The following PCNX2 variants were observed in gnomAD, a reference collection of about 807,000 sequenced individuals.
The protein encoded by PCNX2 is pecanex 2, also known as pecanex-like protein 2.
In PCNX2, 168 loss-of-function variants were observed where a neutral mutation model predicts 223.8. The ratio of observed to expected loss-of-function variants is 0.75; its 90% CI spans 0.66 to 0.85. The LOEUF is 0.85. PCNX2 is among the 40% of genes least tolerant of loss of function. The pLI, the probability that PCNX2 is intolerant of heterozygous loss-of-function variation, is 0.00. For missense variants in PCNX2, 2,507 were observed against 2,675.5 expected, an observed-to-expected ratio of 0.94 and a Z score of 1.39; for synonymous variants, 1,006 against 1,052.6, an observed-to-expected ratio of 0.96 and a Z score of 0.86.
intron 12 of PCNX2, among the ~76,000 whole-genome samples, 158 bp from the exon 13 acceptor site, chr1:233,208,847 A>AAAAAAAAAAAAAAAAAAAAAAAAAAAAAC: frequency 6.7e-6 from 1 of 150,174 alleles, no homozygotes; most frequent in Non-Finnish European, 1.5e-5. Flanking sequence ...AAAAAAAAAA[A>AAAAAAAAAAAAAAAAAAAAAAAAAAAAAC]AAAACAGGAA....
At chr1:233,313,777 G>T in the PCNX2 span, among the ~76,000 whole-genome samples, 1 of 152,118 alleles carries the variant, frequency 6.6e-6, no homozygotes, top group Non-Finnish European at 1.5e-5. Flanking sequence ...GTAATTAAAT[G>T]ACCCAAACAT....
At chr1:233,248,911 T>C (rs1659287891) in intron 8 of PCNX2, among the ~76,000 whole-genome samples, 1 of 152,122 alleles carries the variant, frequency 6.6e-6, no homozygotes, top group Non-Finnish European at 1.5e-5. Flanking sequence ...GGCAAACCTA[T>C]GTCCAGGCAG....
chr1:233,261,362 C>G, intron 3 of PCNX2, 41 bp from the exon 4 acceptor site: 1 of 1,593,862 alleles, frequency 6.3e-7, no homozygotes. Context: ...GATGACTCAG[C>G]TGACCGTCCA....
At chr1:233,211,304 C>A (rs539202125) in intron 12 of PCNX2, among the ~76,000 whole-genome samples, 8 of 151,970 alleles carry the variant, frequency 5.3e-5, no homozygotes, top group African/African-American at 1.9e-4. Flanking sequence ...GCTGAGTTGA[C>A]AAATGTTCCT....
intron 22 of PCNX2, among the ~76,000 whole-genome samples, chr1:233,093,984 A>G (rs1361840533): frequency 1.3e-5 from 2 of 152,210 alleles, no homozygotes; most frequent in East Asian, 3.8e-4. Flanking sequence ...AGTGCCAAAT[A>G]CCATGTGCTC....
intron 25 of PCNX2, among the ~76,000 whole-genome samples, chr1:233,053,607 A>G (rs1466668264): frequency 6.6e-6 from 1 of 152,210 alleles, no homozygotes; most frequent in East Asian, 1.9e-4. Context: ...AGATGTTCAG[A>G]AAACATGCAA....
At chr1:233,184,569 T>C (rs1679985352) in intron 15 of PCNX2, among the ~76,000 whole-genome samples, 1 of 152,204 alleles carries the variant, frequency 6.6e-6, no homozygotes, top group Non-Finnish European at 1.5e-5. Flanking sequence ...AAATCTCCTC[T>C]CATTTTCTCT....
intron 10 of PCNX2, among the ~76,000 whole-genome samples, chr1:233,225,023 G>T (rs1031542376): frequency 1.4e-5 from 2 of 145,960 alleles, no homozygotes; most frequent in African/African-American, 2.5e-5. Flanking sequence ...CCTAGATGAC[G>T]AGTTGATAGG....
intron 4 of PCNX2, among the ~76,000 whole-genome samples, chr1:233,260,368 A>G (rs1659982303): frequency 6.6e-6 from 1 of 152,204 alleles, no homozygotes; most frequent in African/African-American, 2.4e-5. Context: ...AGTATGTAAG[A>G]TTATTATAGC....
At position 232,998,441 on chromosome 1, in the gene PCNX2, G is replaced by A; in HGVS notation, c.5604-3C>T. On this transcript the variant is annotated splice_region_variant and splice_polypyrimidine_tract_variant and intron_variant, in intron 31 of 33. Transcript: ENST00000258229. ...GGGCATTGCAATCCTTCCGCATCCT[G>A]TGGGAGGGAGAAGTCCTTTGAGGAT... 1 of 1,610,568 alleles carries A rather than the reference G, an allele frequency of 6.2e-7. No individual in the cohort carries two copies. Among genetic ancestry groups the A allele is most frequent in the Non-Finnish European group, 8.5e-7 (1 of 1,178,990 alleles).
chr1:233,273,907 G>A (rs1485744741), intron 1 of PCNX2, among the ~76,000 whole-genome samples: 2 of 152,152 alleles, frequency 1.3e-5, no homozygotes, highest in Non-Finnish European at 2.9e-5. Flanking sequence ...ACAGGCGTGA[G>A]TCATCGTGCC....
chr1:233,299,948 TG>T (rs1366652994), upstream of PCNX2, among the ~76,000 whole-genome samples: 1 of 152,218 alleles, frequency 6.6e-6, no homozygotes, highest in Non-Finnish European at 1.5e-5. Context: ...ACAGTCCAAG[TG>T]CCCTCTACAG....
intron 16 of PCNX2, 83 bp downstream of exon 16, chr1:233,178,983 C>G (rs900681105): frequency 8.2e-7 from 1 of 1,213,008 alleles, no homozygotes; most frequent in Non-Finnish European, 1.2e-6. Context: ...GAATTGCTGT[C>G]TGCCCATCTC....
intron 21 of PCNX2, among the ~76,000 whole-genome samples, chr1:233,133,402 A>G (rs1372671382): frequency 6.6e-6 from 1 of 152,250 alleles, no homozygotes; most frequent in African/African-American, 2.4e-5. Flanking sequence ...TCAGAACAGA[A>G]CAGAACTCAG....
chr1:233,262,938 A>T lies in PCNX2; in HGVS notation c.359+20T>A. 1 of 1,604,664 alleles carries T rather than the reference A, an allele frequency of 6.2e-7. No homozygotes were observed. Among genetic ancestry groups the T allele is most frequent in the South Asian group, 1.1e-5 (1 of 90,614 alleles). On this transcript the variant is annotated intron_variant, in intron 2 of 33. Transcript: ENST00000258229. Reference sequence around the variant, plus strand: ...CAAAACATTTACATTTTGAAGTGTCACATTAATTGAAAATATTACCTTGGA... The same window carrying T: ...CAAAACATTTACATTTTGAAGTGTCTCATTAATTGAAAATATTACCTTGGA...
chr1:233,074,438 CA>C (rs1289824565), intron 23 of PCNX2, among the ~76,000 whole-genome samples: 1 of 151,098 alleles, frequency 6.6e-6, no homozygotes, highest in Non-Finnish European at 1.5e-5. Context: ...ACTAAAAATA[CA>C]AAAAAATTAG....
intron 25 of PCNX2, among the ~76,000 whole-genome samples, chr1:233,030,173 G>A (rs1461828636): frequency 1.3e-5 from 2 of 152,108 alleles, no homozygotes; most frequent in African/African-American, 4.8e-5. Context: ...CTACAGCCTT[G>A]AGTTCATGGA....
rs1485649840 is a variant in PCNX2, at chr1:232,990,796, C to T, written c.5792-4256G>A. Among the ~76,000 whole-genome samples, 1 of 152,136 alleles carries T rather than the reference C, an allele frequency of 6.6e-6. No individual in the cohort carries two copies. Among genetic ancestry groups the T allele is most frequent in the Non-Finnish European group, 1.5e-5 (1 of 68,022 alleles). ...GCCGTGTGCTGGGTTCCCAGGACTC[C>T]AGAACTCCCTGCCCCAAACTGGGGC... On this transcript the variant is annotated intron_variant, in intron 32 of 33. Coordinates refer to ENST00000258229, the MANE Select transcript of PCNX2 (RefSeq NM_014801.4). The surrounding 1 kb of genome is among the most constrained non-coding windows in gnomAD (Gnocchi z 4.3).
At chr1:232,988,048 C>T (rs904367785) in intron 32 of PCNX2, among the ~76,000 whole-genome samples, 1 of 152,188 alleles carries the variant, frequency 6.6e-6, no homozygotes, top group Non-Finnish European at 1.5e-5. Flanking sequence ...CTGAAAGGTC[C>T]CGGCTGAGTA....
Sources: gnomAD v4.1 joint callset for allele counts (sites outside exome capture counted in the v4.1 genomes callset) on GRCh38, gnomAD v4.1.1 for gene constraint, Gnocchi (gnomAD v3.1) non-coding constraint, MANE v1.5 for transcripts, NCBI Gene and HGNC (gene_info 2026-07-23, HGNC 2026-07-21) for gene names.